The following TRPC6 variants were observed in gnomAD, a reference collection of about 807,000 sequenced individuals.
TRPC6 encodes short transient receptor potential channel 6.
A neutral mutation model predicts 90.7 loss-of-function variants in TRPC6; 55 were observed. That is an observed-to-expected ratio of 0.61 (90% CI 0.49 to 0.76). TRPC6 has a LOEUF of 0.76. Among genes scored for constraint, TRPC6 ranks in the 30% least tolerant of loss-of-function variants. TRPC6 has a pLI of 0.00. For missense variants in TRPC6, 989 were observed against 1,122.7 expected (o/e 0.88, Z 1.70); for synonymous variants, 393 against 393.0 (o/e 1.00, Z 0.00).
Position 101,545,873 on chromosome 11 carries a change from G to T in TRPC6, c.170+37461C>A, listed in dbSNP as rs1411055926. Among the ~76,000 whole-genome samples the T allele has an allele frequency of 2.0e-5, 3 of 151,898 alleles. No homozygotes were observed. The East Asian group carries it at 5.8e-4, about 29-fold the overall frequency. On this transcript the variant is annotated intron_variant, in intron 1 of 12. Transcript: ENST00000344327. ...AATTTTATCTGACCTATTTACACGTGTAGCATTTCTGGTGTTTTCTGGTTT... is the reference window on the plus strand; with the variant it reads ...AATTTTATCTGACCTATTTACACGTTTAGCATTTCTGGTGTTTTCTGGTTT...
chr11:101,582,717 C>T (rs1862224881), intron 1 of TRPC6, among the ~76,000 whole-genome samples: 1 of 152,206 alleles, frequency 6.6e-6, no homozygotes, highest in East Asian at 1.9e-4. Flanking sequence ...AGGTTCGCGC[C>T]GCCGGTGGAG....
At chr11:101,548,217 C>T (rs1376622805) in intron 1 of TRPC6, among the ~76,000 whole-genome samples, 1 of 144,874 alleles carries the variant, frequency 6.9e-6, no homozygotes, top group Non-Finnish European at 1.5e-5. Context: ...TTTATCATCT[C>T]ATTTAATCTT....
chr11:101,476,263 C>T, intron 6 of TRPC6, 38 bp downstream of exon 6: 3 of 1,570,336 alleles, frequency 1.9e-6, no homozygotes, highest in Non-Finnish European at 2.6e-6. Context: ...CAAGAAAATT[C>T]TGCATTTTTA....
chr11:101,498,138 AAGC>A (rs1859997652), intron 2 of TRPC6, among the ~76,000 whole-genome samples: 1 of 152,158 alleles, frequency 6.6e-6, no homozygotes. Flanking sequence ...CAAGGAGAGA[AAGC>A]AAGAGTTTTT....
chr11:101,554,307 C>T (rs1025853142), intron 1 of TRPC6, among the ~76,000 whole-genome samples: 7 of 151,526 alleles, frequency 4.6e-5, no homozygotes, highest in Admixed American at 6.6e-5. Context: ...GCTGGAACAA[C>T]AAAAGAAAGT....
intron 1 of TRPC6, among the ~76,000 whole-genome samples, chr11:101,559,505 T>C (rs1861663514): frequency 6.9e-6 from 1 of 145,106 alleles, no homozygotes; most frequent in African/African-American, 2.6e-5. Flanking sequence ...AATACACCTC[T>C]AAATAAAAGT....
chr11:101,532,212 A>G (rs1860925381), intron 1 of TRPC6, among the ~76,000 whole-genome samples: 2 of 152,196 alleles, frequency 1.3e-5, no homozygotes, highest in Non-Finnish European at 2.9e-5. Context: ...AGGTCCCTAA[A>G]ATTATATAAG....
At chr11:101,490,245 C>T (rs1174849544) in intron 3 of TRPC6, among the ~76,000 whole-genome samples, 1 of 151,950 alleles carries the variant, frequency 6.6e-6, no homozygotes, top group Non-Finnish European at 1.5e-5. Flanking sequence ...AACAATGCAA[C>T]CTTTAAAAAG....
intron 1 of TRPC6, among the ~76,000 whole-genome samples, chr11:101,518,179 T>C (rs989063890): frequency 5.9e-5 from 9 of 152,142 alleles, no homozygotes; most frequent in Non-Finnish European, 1.3e-4. Flanking sequence ...TTGCCCTCTT[T>C]GGTCTTCTGT....
At chr11:101,579,598 T>C (rs551366481) in intron 1 of TRPC6, among the ~76,000 whole-genome samples, 1 of 152,320 alleles carries the variant, frequency 6.6e-6, no homozygotes, top group East Asian at 1.9e-4. Flanking sequence ...TGTTTTACTC[T>C]TATAGGAACC....
At chr11:101,484,956 C>G (rs1014601577) in intron 4 of TRPC6, among the ~76,000 whole-genome samples, 2 of 152,064 alleles carry the variant, frequency 1.3e-5, no homozygotes, top group African/African-American at 2.4e-5. Flanking sequence ...GCCATCATCT[C>G]AAACATCTAT....
rs1169242070 is a variant in TRPC6 at position 101,458,142 on chromosome 11, ACATT to A, written c.2485-3045_2485-3042del. ...AAGTTATTATACAAAATTTGAATCA[ACATT>A]CAAACTTTGAAGTACAGTTTCTACT... is the stretch of plus-strand genomic sequence containing the variant. On this transcript the variant is annotated intron_variant, in intron 10 of 12. Coordinates refer to ENST00000344327, the MANE Select transcript of TRPC6 (RefSeq NM_004621.6). Among the ~76,000 whole-genome samples, 4 of 152,318 alleles carry A rather than the reference ACATT, an allele frequency of 2.6e-5. No individual in the cohort carries two copies. In the East Asian group the frequency reaches 7.7e-4, roughly 29 times the overall value.
intron 1 of TRPC6, among the ~76,000 whole-genome samples, chr11:101,567,599 C>T (rs980899418): frequency 2.0e-5 from 3 of 152,176 alleles, no homozygotes; most frequent in Non-Finnish European, 4.4e-5. Context: ...GGCCAACAGA[C>T]ACCTCAAACA....
intron 1 of TRPC6, among the ~76,000 whole-genome samples, chr11:101,525,555 T>C (rs11224816): frequency 0.5 from 76,376 of 151,984 alleles, 19,563 homozygotes; most frequent in African/African-American, 0.58. Context: ...GCCAGGTAAA[T>C]GTTCAGTAAG....
intron 4 of TRPC6, among the ~76,000 whole-genome samples, chr11:101,487,629 A>G (rs976247760): frequency 7.7e-5 from 10 of 129,118 alleles, no homozygotes; most frequent in Admixed American, 6.3e-4. Context: ...CATTTTTAGT[A>G]AAAAGGGAAA....
chr11:101,470,808 C>CT (rs1591066071), intron 9 of TRPC6, among the ~76,000 whole-genome samples: 1 of 22,568 alleles, frequency 4.4e-5, no homozygotes, highest in Admixed American at 6.5e-4. Context: ...AGTTGCCCCG[C>CT]CCCCCCCCCC....
rs1341048600 is a variant in TRPC6, at chr11:101,583,437, C to T, written c.67G>A (p.Ala23Thr). The change falls in exon 1 of 13, where the codon GCG becomes ACG. Residue 23 changes from alanine to threonine, a missense_variant. Physicochemically the swap from Ala to Thr is moderately conservative, Grantham distance 58. Around this residue, in one of 4 missense-constraint regions of TRPC6, gnomAD observed 194 missense variants for 136.5 expected, o/e 1.42. Transcript: ENST00000344327. ...TAGTCCTGGCTCTCGTTGCGCCGCG[C>T]AGCGGCTCCGGCAGCGCCCCGGGGA... ...SSPRGAAGAA[A>T]RRNESQDYLL... is the part of the protein sequence containing the mutation. The T allele has an allele frequency of 6.4e-7, 1 of 1,550,472 alleles. No individual in the cohort carries two copies. The highest frequency in any genetic ancestry group is 1.2e-5 in the South Asian group (1 of 84,182).
chr11:101,479,479 AC>A (rs1859497557), intron 5 of TRPC6, among the ~76,000 whole-genome samples: 1 of 152,112 alleles, frequency 6.6e-6, no homozygotes, highest in Non-Finnish European at 1.5e-5. Context: ...TAACCTTTCA[AC>A]TTTTTGTCAA....
chr11:101,488,583 T>C (rs1211636408), intron 4 of TRPC6, among the ~76,000 whole-genome samples: 1 of 152,214 alleles, frequency 6.6e-6, no homozygotes, highest in Admixed American at 6.5e-5. Context: ...AATGGTACTA[T>C]GACCTCATAA....
Sources: allele counts gnomAD v4.1 joint callset (sites outside exome capture counted in the v4.1 genomes callset), GRCh38; gene constraint gnomAD v4.1.1; regional missense constraint gnomAD v4.1.1; transcripts MANE v1.5; gene names NCBI Gene and HGNC (gene_info 2026-07-23, HGNC 2026-07-21).